The following GTF3C3 variants were observed in gnomAD, a reference collection of about 807,000 sequenced individuals.
The protein encoded by GTF3C3 is general transcription factor 3C polypeptide 3.
In GTF3C3, 75 loss-of-function variants were observed where a neutral mutation model predicts 105.2. That is an observed-to-expected ratio of 0.71 (90% CI 0.59 to 0.86). GTF3C3 has a LOEUF of 0.86. Among genes scored for constraint, GTF3C3 ranks in the 40% least tolerant of loss-of-function variants. The pLI is 0.00. For synonymous variants in GTF3C3, 335 were observed against 370.4 expected (o/e 0.90, Z 1.10); for missense variants, 856 against 1,076.5 (o/e 0.80, Z 2.87).
chr2:196,781,354 AAAAATATATATATATATATAT>A lies in GTF3C3; in HGVS notation c.1115-713_1115-693del, dbSNP rs1341251342. On this transcript the variant is annotated intron_variant, in intron 8 of 17. Coordinates refer to ENST00000263956, the MANE Select transcript of GTF3C3 (RefSeq NM_012086.5). ...AAAATGTTAAGGGGAAAAAAAAAAA[AAAAATATATATATATATATAT>A]ATATATATATATAAAATTAAATAAT... Among the ~76,000 whole-genome samples, 4 of 84,048 alleles carry A rather than the reference AAAAATATATATATATATATAT, an allele frequency of 4.8e-5. No individual in the cohort carries two copies. In the East Asian group the frequency reaches 1.1e-3, roughly 23 times the overall value. The allele number at this position is 84,048 out of a possible 152,430, so 55.1% of individuals were successfully genotyped here.
chr2:196,779,853 GTAT>G (rs556308528), intron 9 of GTF3C3, among the ~76,000 whole-genome samples: 112 of 152,050 alleles, frequency 7.4e-4, no homozygotes, highest in African/African-American at 2.6e-3. Flanking sequence ...TAAATTTTTT[GTAT>G]TTTTTGTAGG....
intron 8 of GTF3C3, among the ~76,000 whole-genome samples, chr2:196,781,357 A>AAAAAAAAAAAAAAAAAATATATAT: frequency 5.3e-5 from 1 of 18,818 alleles, no homozygotes; most frequent in African/African-American, 1.0e-4. Context: ...AAAAAAAAAA[A>AAAAAAAAAAAAAAAAAATATATAT]ATATATATAT....
chr2:196,769,255 C>T (rs1699127686), intron 16 of GTF3C3, among the ~76,000 whole-genome samples: 1 of 152,158 alleles, frequency 6.6e-6, no homozygotes, highest in Admixed American at 6.5e-5. Context: ...TTACTAGACC[C>T]TGCAACTCCA....
intron 2 of GTF3C3, among the ~76,000 whole-genome samples, chr2:196,796,767 T>C (rs1699654417): frequency 6.6e-6 from 1 of 152,146 alleles, no homozygotes; most frequent in South Asian, 2.1e-4. Context: ...GAACATGCGG[T>C]GTTTGGTCTT....
At position 196,799,641 on chromosome 2, in the gene GTF3C3, G is replaced by C; in HGVS notation, c.-30C>G. ...ACAGGGTCTGTCTGTGCAACCCCAGGAACCGGGACAGAGAACCGGAAGAGC... is the reference window on the plus strand; with the variant it reads ...ACAGGGTCTGTCTGTGCAACCCCAGCAACCGGGACAGAGAACCGGAAGAGC... On this transcript the variant is annotated 5_prime_UTR_variant, in exon 1 of 18. Transcript: ENST00000263956. The C allele has an allele frequency of 6.6e-7, 1 of 1,504,400 alleles. No individual in the cohort carries two copies. 93.2% of individuals were successfully genotyped at this position (1,504,400 alleles called of 1,614,324 possible). A position where few individuals can be genotyped will look rare whatever the true frequency, so the allele number is the denominator to read the frequency against.
intron 15 of GTF3C3, among the ~76,000 whole-genome samples, chr2:196,771,159 T>G (rs1699168188): frequency 6.6e-6 from 1 of 152,206 alleles, no homozygotes; most frequent in Non-Finnish European, 1.5e-5. Context: ...ACTTGTTTAC[T>G]TCTGATTCCT....
chr2:196,780,711 G>C (rs368513673), intron 8 of GTF3C3, 49 bp from the exon 9 acceptor site: 18 of 1,571,486 alleles, frequency 1.1e-5, no homozygotes, highest in Non-Finnish European at 1.5e-5. Context: ...AGCTTGAGAT[G>C]TGTATCTTCT....
rs202194617 is a variant in GTF3C3, at chr2:196,789,414, A to G, written c.728-45T>C. The G allele has an allele frequency of 2.0e-5, 28 of 1,379,486 alleles. No homozygotes were observed. In the East Asian group the frequency reaches 2.3e-4, roughly 12 times the overall value. The allele number at this position is 1,379,486 out of a possible 1,614,324, so 85.5% of individuals were successfully genotyped here. ...AATTATTTACCACAAAAAGGGGTGC[A>G]TGGTACCTGGGTGTGATCCATCATC... On this transcript the variant is annotated intron_variant, in intron 5 of 17. Transcript: ENST00000263956.
At chr2:196,779,923 T>G (rs1454009237) in intron 9 of GTF3C3, among the ~76,000 whole-genome samples, 1 of 152,036 alleles carries the variant, frequency 6.6e-6, no homozygotes, top group African/African-American at 2.4e-5. Context: ...TCAAGAGATC[T>G]GCCCGCCTCA....
intron 9 of GTF3C3, among the ~76,000 whole-genome samples, chr2:196,779,786 C>A (rs1168378707): frequency 6.6e-6 from 1 of 152,094 alleles, no homozygotes; most frequent in Admixed American, 6.6e-5. Flanking sequence ...CTCAAGCAAT[C>A]CTCCCACCTT....
In GTF3C3 at chr2:196,764,035, A is replaced by G. The variant is rs942396931; in HGVS notation, c.*528T>C. 1 of 152,238 alleles carries G rather than the reference A, an allele frequency of 6.6e-6. No individual in the cohort carries two copies. The highest frequency in any genetic ancestry group is 1.5e-5 in the Non-Finnish European group (1 of 68,032). The allele number at this position is 152,238 out of a possible 1,614,324, so 9.4% of individuals were successfully genotyped here. ...GTTTCAGTTTAGGTAGCTAAGATAC[A>G]TGCTGGTGAAAAGTAAAAAACTAAA... On this transcript the variant is annotated 3_prime_UTR_variant, in exon 18 of 18. Transcript: ENST00000263956.
intron 6 of GTF3C3, among the ~76,000 whole-genome samples, chr2:196,787,454 C>T (rs1699471145): frequency 6.6e-6 from 1 of 152,190 alleles, no homozygotes; most frequent in Admixed American, 6.5e-5. Context: ...TACCTCTCTG[C>T]ACTGCTCCCC....
At chr2:196,777,398 A>G (rs1007343506) in intron 10 of GTF3C3, among the ~76,000 whole-genome samples, 5 of 152,154 alleles carry the variant, frequency 3.3e-5, no homozygotes, top group Non-Finnish European at 7.4e-5. Context: ...ACTGGGCCCT[A>G]TTTCTCAAAC....
At chr2:196,787,761 G>A (rs1699477707) in intron 6 of GTF3C3, among the ~76,000 whole-genome samples, 1 of 152,126 alleles carries the variant, frequency 6.6e-6, no homozygotes, top group African/African-American at 2.4e-5. Flanking sequence ...TGAAATGTAA[G>A]CTTTACAAGA....
At chr2:196,764,840 G>GGATCAATGCTGATTC (rs1699033572) in intron 17 of GTF3C3, among the ~76,000 whole-genome samples, 155 bp from the exon 18 acceptor site, 2 of 152,056 alleles carry the variant, frequency 1.3e-5, no homozygotes, top group African/African-American at 4.8e-5. Context: ...CATATACCTT[G>GGATCAATGCTGATTC]GATCAATGCT....
intron 8 of GTF3C3, among the ~76,000 whole-genome samples, chr2:196,781,355 AAAAT>A (rs1264854551): frequency 5.4e-4 from 17 of 31,198 alleles, no homozygotes; most frequent in South Asian, 1.5e-3. Context: ...AAAAAAAAAA[AAAAT>A]ATATATATAT....
chr2:196,792,515 A>G (rs760495555), intron 3 of GTF3C3, among the ~76,000 whole-genome samples: 2 of 152,150 alleles, frequency 1.3e-5, no homozygotes, highest in Non-Finnish European at 2.9e-5. Flanking sequence ...AGCAATAATT[A>G]AGGTTTTGTC....
intron 12 of GTF3C3, among the ~76,000 whole-genome samples, chr2:196,775,653 C>T (rs942634568): frequency 6.6e-6 from 1 of 152,300 alleles, no homozygotes; most frequent in East Asian, 1.9e-4. Context: ...CCCAGAGATA[C>T]ACCCACAGAG....
chr2:196,765,503 G>C (rs1185469755), intron 17 of GTF3C3, among the ~76,000 whole-genome samples: 1 of 151,138 alleles, frequency 6.6e-6, no homozygotes, highest in South Asian at 2.1e-4. Flanking sequence ...AATGGTGTGA[G>C]TAAACAATAG....
Sources: gnomAD v4.1 joint callset for allele counts (sites outside exome capture counted in the v4.1 genomes callset) on GRCh38, gnomAD v4.1.1 for gene constraint, MANE v1.5 for transcripts, NCBI Gene and HGNC (gene_info 2026-07-23, HGNC 2026-07-21) for gene names.